The following ANKHD1 variants were observed in gnomAD, a reference collection of about 807,000 sequenced individuals.
The protein encoded by ANKHD1 is ankyrin repeat and KH domain containing 1.
Under a neutral mutation model 230.5 loss-of-function variants are expected in ANKHD1, and 31 were observed. The observed-to-expected ratio is 0.13, with a 90% CI of 0.10 to 0.18. The LOEUF is 0.18. ANKHD1 is among the 10% of genes least tolerant of loss of function. ANKHD1 has a pLI of 1.00. For synonymous variants in ANKHD1, 1,074 were observed against 1,117.6 expected, an observed-to-expected ratio of 0.96 and a Z score of 0.78; for missense variants, 2,256 against 3,071.3, an observed-to-expected ratio of 0.73 and a Z score of 6.27.
chr5:140,481,734 C>G (rs1387850684), intron 10 of ANKHD1, among the ~76,000 whole-genome samples: 1 of 152,012 alleles, frequency 6.6e-6, no homozygotes, highest in South Asian at 2.1e-4. Flanking sequence ...AACCACCAGT[C>G]TTTATCAGTT....
intron 1 of ANKHD1, among the ~76,000 whole-genome samples, chr5:140,407,480 C>T (rs1284592379): frequency 1.3e-5 from 2 of 151,498 alleles, no homozygotes; most frequent in Admixed American, 6.6e-5. Context: ...TCATAGTTCA[C>T]TGCAACCTCG....
At chr5:140,432,534 T>C (rs919576346) in intron 1 of ANKHD1, among the ~76,000 whole-genome samples, 5 of 151,752 alleles carry the variant, frequency 3.3e-5, no homozygotes, top group Admixed American at 1.3e-4. Context: ...TATGAACGTT[T>C]GTGTTTAAGT....
Position 140,538,965 on chromosome 5 carries a change from C to T in ANKHD1, c.7451C>T (p.Pro2484Leu), listed in dbSNP as rs975978632. ...MYGGTIIPSH[P>L]QLADVPGGPL... Reference sequence around the variant, plus strand: ...GGAGGCACCATAATACCCTCTCATCCTCAGCTTGCTGATGTTCCAGGAGGC... The same window carrying T: ...GGAGGCACCATAATACCCTCTCATCTTCAGCTTGCTGATGTTCCAGGAGGC... The change falls in exon 33 of 34, where the codon CCT (proline) becomes CTT (leucine). Residue 2484 changes from proline to leucine, a missense_variant. By Grantham distance (98) the Pro-to-Leu change is moderately conservative. Transcript: ENST00000360839. 3.1e-6 allele frequency: 5 copies of T among 1,609,876 alleles called. No individual in the cohort carries two copies. Among genetic ancestry groups the T allele is most frequent in the Non-Finnish European group, 4.2e-6 (5 of 1,177,996 alleles).
intron 7 of ANKHD1, among the ~76,000 whole-genome samples, chr5:140,453,556 A>G (rs1581267898): frequency 1.3e-5 from 2 of 152,244 alleles, no homozygotes; most frequent in East Asian, 3.8e-4. Context: ...GGGGCCCAAT[A>G]TTCAACATTC....
intron 4 of ANKHD1, 44 bp from the exon 5 acceptor site, chr5:140,440,951 T>C: frequency 6.7e-7 from 1 of 1,498,210 alleles, no homozygotes; most frequent in East Asian, 2.5e-5. Context: ...TACTATTGAA[T>C]AGTAAGAATT....
chr5:140,477,012 A>G (rs1042171675), intron 10 of ANKHD1, among the ~76,000 whole-genome samples: 15 of 152,192 alleles, frequency 9.9e-5, no homozygotes, highest in Non-Finnish European at 8.8e-5. Context: ...ATTACACTCA[A>G]TTGTTAAAGG....
chr5:140,472,251 G>A, intron 10 of ANKHD1: 1 of 1,612,838 alleles, frequency 6.2e-7, no homozygotes, highest in Non-Finnish European at 8.5e-7. Flanking sequence ...CAAGCAGGAG[G>A]ACATGAAGAC....
At position 140,538,112 on chromosome 5, in the gene ANKHD1, G is replaced by C; in HGVS notation, c.7255G>C (p.Val2419Leu). The C allele has an allele frequency of 6.2e-7, 1 of 1,613,442 alleles. No individual in the cohort carries two copies. Among genetic ancestry groups the C allele is most frequent in the Non-Finnish European group, 8.5e-7 (1 of 1,179,748 alleles). ...SEGLSGWSQS[V>L]MGNHPMHQQL... ...AGGCTTATCAGGTTGGTCGCAATCT[G>C]TGATGGGGAACCATCCAATGCATCA... The change falls in exon 32 of 34, where the codon GTG (valine) becomes CTG (leucine). Residue 2419 changes from valine (V) to leucine (L), a missense_variant. By Grantham distance (32) the Val-to-Leu change is conservative (BLOSUM62 1). Around this residue, in one of 13 missense-constraint regions of ANKHD1, gnomAD observed 778 missense variants for 966.5 expected, o/e 0.80. Coordinates refer to ENST00000360839, the MANE Select transcript of ANKHD1 (RefSeq NM_017747.3).
intron 1 of ANKHD1, among the ~76,000 whole-genome samples, chr5:140,426,961 C>T (rs934834595): frequency 6.6e-6 from 1 of 152,230 alleles, no homozygotes; most frequent in African/African-American, 2.4e-5. Context: ...AATCTTTTCC[C>T]CACCTTTCCC....
rs999741664 is a variant in ANKHD1 at position 140,463,741 on chromosome 5, C to T, written c.1673-926C>T. 5.3e-5 allele frequency among the ~76,000 whole-genome samples: 8 copies of T among 152,108 alleles called. No individual in the cohort carries two copies. In the East Asian group the frequency reaches 9.7e-4, roughly 18 times the overall value. The stretch of plus-strand genomic sequence containing the variant: ...CATGATCTGGGCTCACTGTAACCTC[C>T]GCCTACTGGGCTCAAGCAATTCTCC... On this transcript the variant is annotated intron_variant, in intron 9 of 33. Transcript: ENST00000360839.
chr5:140,416,357 C>T (rs923770700), intron 1 of ANKHD1, among the ~76,000 whole-genome samples: 4 of 152,146 alleles, frequency 2.6e-5, no homozygotes, highest in African/African-American at 7.2e-5. Flanking sequence ...CTTGAGGAAT[C>T]GCCAAGTTAA....
intron 2 of ANKHD1, among the ~76,000 whole-genome samples, chr5:140,438,128 A>G (rs994762439): frequency 1.3e-5 from 2 of 152,224 alleles, no homozygotes; most frequent in Non-Finnish European, 2.9e-5. Context: ...CCTGTACTAG[A>G]GATCTTATGG....
chr5:140,501,040 C>T (rs1467967524), intron 15 of ANKHD1, among the ~76,000 whole-genome samples: 2 of 150,738 alleles, frequency 1.3e-5, no homozygotes, highest in Non-Finnish European at 3.0e-5. Context: ...AGGAGATTTG[C>T]AATAAAATCT....
At chr5:140,533,012 C>T (rs1328262774) in intron 29 of ANKHD1, 2 of 198,294 alleles carry the variant, frequency 1.0e-5, no homozygotes, top group South Asian at 5.6e-5. Flanking sequence ...GCAGGTGAAT[C>T]GCTTGAACCT....
At chr5:140,430,821 G>C (rs1196171062) in intron 1 of ANKHD1, among the ~76,000 whole-genome samples, 1 of 151,660 alleles carries the variant, frequency 6.6e-6, no homozygotes, top group East Asian at 1.9e-4. Context: ...CACCATGCCT[G>C]GCTAATTTTT....
chr5:140,486,218 C>T (rs1751494285), intron 13 of ANKHD1: 2 of 156,260 alleles, frequency 1.3e-5, no homozygotes, highest in South Asian at 3.9e-4. Flanking sequence ...GTGTGCGCCA[C>T]CACGCCCAGC....
chr5:140,496,413 T>G, intron 14 of ANKHD1, 107 bp from the exon 15 acceptor site: 1 of 1,201,592 alleles, frequency 8.3e-7, no homozygotes, highest in East Asian at 2.7e-5. Flanking sequence ...GGGAGGGAGG[T>G]CCGTGTGTGT....
intron 1 of ANKHD1, among the ~76,000 whole-genome samples, chr5:140,408,975 T>A (rs541565849): frequency 6.6e-6 from 1 of 152,248 alleles, no homozygotes; most frequent in African/African-American, 2.4e-5. Context: ...TGTGAGGGGC[T>A]CTCCTGTGCA....
intron 1 of ANKHD1, 23 bp downstream of exon 1, chr5:140,402,296 TC>T: frequency 6.9e-7 from 1 of 1,449,856 alleles, no homozygotes; most frequent in Admixed American, 2.6e-5. Flanking sequence ...GACCCTCGCC[TC>T]CCACACATTG....
Sources: gnomAD v4.1 joint callset for allele counts (sites outside exome capture counted in the v4.1 genomes callset) on GRCh38, gnomAD v4.1.1 for gene constraint, gnomAD v4.1.1 regional missense constraint, MANE v1.5 for transcripts, NCBI Gene and HGNC (gene_info 2026-07-23, HGNC 2026-07-21) for gene names.